The following TMEM165 variants were observed in gnomAD, a reference collection of about 807,000 sequenced individuals.
The protein encoded by TMEM165 is putative divalent cation/proton antiporter TMEM165.
In TMEM165, 19 loss-of-function variants were observed where a neutral mutation model predicts 30.0. The observed-to-expected ratio is 0.63, with a 90% CI of 0.44 to 0.93. The LOEUF is 0.93. TMEM165 is among the 40% of genes least tolerant of loss of function. The probability of loss-of-function intolerance (pLI) is 0.00; values close to 1 mark genes in which losing one functional copy is unlikely to be tolerated. For missense variants in TMEM165, 340 were observed against 417.0 expected (o/e 0.82, Z 1.61); for synonymous variants, 168 against 162.9 (o/e 1.03, Z -0.24).
At chr4:55,400,956 G>A (rs1254148477) in intron 1 of TMEM165, among the ~76,000 whole-genome samples, 2 of 150,528 alleles carry the variant, frequency 1.3e-5, no homozygotes, top group Admixed American at 6.6e-5. Context: ...AAGTTTCAAC[G>A]GATTTGCTTT....
intron 1 of TMEM165, among the ~76,000 whole-genome samples, chr4:55,400,648 A>G (rs1221456436): frequency 1.3e-5 from 2 of 149,002 alleles, no homozygotes; most frequent in African/African-American, 2.6e-5. Flanking sequence ...CGTGTTAGCC[A>G]GGAGGTCTCC....
In TMEM165 at chr4:55,411,856, C is replaced by T. The variant is rs1174109927; in HGVS notation, c.433+17C>T. 1 of 1,610,606 alleles carries T rather than the reference C, an allele frequency of 6.2e-7. No individual in the cohort carries two copies. Among genetic ancestry groups the T allele is most frequent in the African/African-American group, 1.3e-5 (1 of 74,860 alleles). ...GCTTGTCAGGTGAGTGTGCTTTTCCCTCTCATGAGTTCGCTGAATTAAAGG... is the reference window on the plus strand; with the variant it reads ...GCTTGTCAGGTGAGTGTGCTTTTCCTTCTCATGAGTTCGCTGAATTAAAGG... On this transcript the variant is annotated intron_variant, in intron 2 of 5. Transcript: ENST00000381334.
At chr4:55,451,344 C>G (rs1724429961) in intron 3 of TMEM165, among the ~76,000 whole-genome samples, 1 of 152,180 alleles carries the variant, frequency 6.6e-6, no homozygotes, top group Non-Finnish European at 1.5e-5. Context: ...CACTGATACT[C>G]TTGTCTTCTA....
intron 3 of TMEM165, chr4:55,434,580 A>G (rs1722738027): frequency 7.2e-6 from 1 of 138,664 alleles, no homozygotes; most frequent in South Asian, 2.4e-4. Context: ...TGTTGTATCA[A>G]TAATTTAACC....
chr4:55,449,958 A>G, intron 3 of TMEM165: 2 of 1,108,710 alleles, frequency 1.8e-6, no homozygotes, highest in Middle Eastern at 2.9e-4. Context: ...AACTCACTGG[A>G]AAGGTTACTA....
intron 3 of TMEM165, among the ~76,000 whole-genome samples, chr4:55,444,111 G>T (rs564604455): frequency 1.3e-5 from 2 of 152,300 alleles, no homozygotes; most frequent in South Asian, 4.1e-4. Context: ...TAGAAAAAGT[G>T]TAACTAGTGT....
At chr4:55,452,664 C>T in exon 4 of TMEM165, 1 of 185,094 alleles carries the variant, frequency 5.4e-6, no homozygotes, top group Non-Finnish European at 1.1e-5. Flanking sequence ...TATAATTTCC[C>T]AGCCAGTGTC....
At chr4:55,448,269 A>C (rs1486539459) in intron 3 of TMEM165, among the ~76,000 whole-genome samples, 1 of 152,194 alleles carries the variant, frequency 6.6e-6, no homozygotes, top group African/African-American at 2.4e-5. Flanking sequence ...TAAATATCAA[A>C]AGAATGAGTA....
At chr4:55,452,967 G>GA (rs1273532156) in exon 4 of TMEM165, 20 of 925,400 alleles carry the variant, frequency 2.2e-5, no homozygotes, top group African/African-American at 1.9e-4. Context: ...AAGTATTTTT[G>GA]AAAAATAGTT....
chr4:55,412,986 TA>T (rs1216070433), intron 2 of TMEM165, among the ~76,000 whole-genome samples: 33 of 151,888 alleles, frequency 2.2e-4, no homozygotes, highest in African/African-American at 5.6e-4. Flanking sequence ...TTTATTTATT[TA>T]TTTTTTTTTA....
intron 4 of TMEM165, chr4:55,423,611 C>T (rs6858684): frequency 0.46 from 70,047 of 151,802 alleles, 17,651 homozygotes; most frequent in East Asian, 0.88. Context: ...TTTGTAGAGA[C>T]AAGGTCTCAC....
In TMEM165 at chr4:55,443,650, T is replaced by C. The variant is rs758448555; in HGVS notation, c.409-8589T>C. ...CAGCAATAGTGTGCCTTCCAACCAC[T>C]GATCACTCCATAGCCCGCTGTGCTC... On this transcript the variant is annotated intron_variant, in intron 3 of 3. Coordinates refer to the TMEM165 transcript ENST00000608091. The C allele has an allele frequency of 2.0e-6, 3 of 1,531,184 alleles. No homozygotes were observed. In the South Asian group the frequency reaches 3.4e-5, roughly 17 times the overall value. 94.8% of individuals were successfully genotyped at this position (1,531,184 alleles called of 1,614,324 possible). A position where few individuals can be genotyped will look rare whatever the true frequency, so the allele number is the denominator to read the frequency against.
intron 1 of TMEM165, among the ~76,000 whole-genome samples, chr4:55,410,489 A>G (rs1005115114): frequency 1.3e-5 from 2 of 151,956 alleles, no homozygotes; most frequent in African/African-American, 2.4e-5. Flanking sequence ...GCTCACTGCA[A>G]CCTCCGCCTC....
chr4:55,436,944 C>T (rs1462834421), intron 3 of TMEM165, among the ~76,000 whole-genome samples: 1 of 86,828 alleles, frequency 1.2e-5, no homozygotes, highest in Non-Finnish European at 2.3e-5. Context: ...GGCCTTTGTT[C>T]CTTGACATAC....
At chr4:55,449,646 A>G (rs1221163814) in intron 3 of TMEM165, 4 of 680,814 alleles carry the variant, frequency 5.9e-6, no homozygotes, top group Non-Finnish European at 1.0e-5. Context: ...CAGATGATTC[A>G]ATGTAGTTAC....
intron 1 of TMEM165, chr4:55,399,117 A>G (rs1720850055): frequency 6.6e-6 from 1 of 152,242 alleles, no homozygotes; most frequent in Non-Finnish European, 1.5e-5. Flanking sequence ...GAGAAGATCA[A>G]AAGCACTGGA....
intron 1 of TMEM165, among the ~76,000 whole-genome samples, chr4:55,402,702 C>T (rs1047790205): frequency 8.2e-5 from 12 of 146,012 alleles, no homozygotes; most frequent in Non-Finnish European, 1.3e-4. Context: ...CCTACCACGC[C>T]TCCCAAGTTG....
At chr4:55,405,168 TA>T (rs1343106932) in intron 1 of TMEM165, among the ~76,000 whole-genome samples, 2 of 152,224 alleles carry the variant, frequency 1.3e-5, no homozygotes, top group Admixed American at 1.3e-4. Flanking sequence ...CTTTAGCTGA[TA>T]AATTTGGGCT....
At chr4:55,422,017 T>C (rs1721996021) in intron 4 of TMEM165, among the ~76,000 whole-genome samples, 1 of 152,240 alleles carries the variant, frequency 6.6e-6, no homozygotes, top group African/African-American at 2.4e-5. Context: ...GCCTTGGCTC[T>C]GTTCTCCTTG....
Sources: allele counts gnomAD v4.1 joint callset (sites outside exome capture counted in the v4.1 genomes callset), GRCh38; gene constraint gnomAD v4.1.1; transcripts MANE v1.5; gene names NCBI Gene and HGNC (gene_info 2026-07-23, HGNC 2026-07-21).